Variants in SUPT3H observed in about 807,000 individuals in gnomAD.
SUPT3H encodes the protein SPT3 homolog, SAGA and STAGA complex component, also known as transcription initiation protein SPT3 homolog.
In SUPT3H, 44 loss-of-function variants were observed where a neutral mutation model predicts 44.3. That is an observed-to-expected ratio of 0.99 (90% CI 0.78 to 1.28). The LOEUF is 1.28. Among genes scored for constraint, SUPT3H ranks in the 50% most tolerant of loss-of-function variants. SUPT3H has a pLI of 0.00. For missense variants in SUPT3H, 380 were observed against 387.1 expected, an observed-to-expected ratio of 0.98 and a Z score of 0.15; for synonymous variants, 124 against 125.6, an observed-to-expected ratio of 0.99 and a Z score of 0.09.
At chr6:45,326,645 A>G (rs2150057080) in intron 2 of SUPT3H, among the ~76,000 whole-genome samples, 1 of 152,108 alleles carries the variant, frequency 6.6e-6, no homozygotes, top group South Asian at 2.1e-4. Flanking sequence ...GACTAGAATC[A>G]TTCCCATACC....
chr6:44,947,289 A>G (rs1008132911), intron 9 of SUPT3H, among the ~76,000 whole-genome samples: 70 of 152,332 alleles, frequency 4.6e-4, no homozygotes, highest in African/African-American at 1.7e-3. Context: ...GTATGCCTGC[A>G]GAAACATACA....
At chr6:44,916,155 G>C (rs1291514082) in intron 10 of SUPT3H, among the ~76,000 whole-genome samples, 4 of 152,162 alleles carry the variant, frequency 2.6e-5, no homozygotes, top group Admixed American at 2.6e-4. Context: ...AGAAGTTTAG[G>C]AATCAGTAAA....
chr6:45,226,918 T>C (rs1767052752), intron 2 of SUPT3H, among the ~76,000 whole-genome samples: 1 of 152,002 alleles, frequency 6.6e-6, no homozygotes, highest in Non-Finnish European at 1.5e-5. Context: ...GGGAATGGCT[T>C]GAGCCCTGTT....
chr6:45,030,421 T>A (rs914921639), intron 3 of SUPT3H, among the ~76,000 whole-genome samples: 1 of 152,212 alleles, frequency 6.6e-6, no homozygotes, highest in Non-Finnish European at 1.5e-5. Flanking sequence ...TAAACAGGCA[T>A]CTACTGAACG....
At chr6:44,997,350 G>A (rs1703517065) in intron 6 of SUPT3H, among the ~76,000 whole-genome samples, 2 of 151,696 alleles carry the variant, frequency 1.3e-5, no homozygotes, top group Admixed American at 6.6e-5. Flanking sequence ...TATTAAAAAT[G>A]AGTTACATAT....
intron 2 of SUPT3H, among the ~76,000 whole-genome samples, chr6:45,128,302 T>C (rs1285000): frequency 0.87 from 131,732 of 150,790 alleles, 57,799 homozygotes; most frequent in African/African-American, 0.92. Context: ...GTCAGGAGAT[T>C]GAGACCATCC....
At chr6:45,333,466 A>C (rs550452943) in intron 2 of SUPT3H, among the ~76,000 whole-genome samples, 2 of 151,594 alleles carry the variant, frequency 1.3e-5, no homozygotes, top group South Asian at 4.1e-4. Flanking sequence ...TCCCCTTTAT[A>C]CTATTTATTA....
In SUPT3H at chr6:45,015,919, T is replaced by C. The variant is rs1004943721; in HGVS notation, c.274-1028A>G. 4.6e-5 allele frequency among the ~76,000 whole-genome samples: 7 copies of C among 152,010 alleles called. 1 individual carries two copies. The highest frequency in any genetic ancestry group is 1.7e-4 in the African/African-American group (7 of 41,398). On this transcript the variant is annotated intron_variant, in intron 4 of 10. Coordinates refer to ENST00000371459, the MANE Select transcript of SUPT3H (RefSeq NM_003599.4). ...TCAAGGGCAATAGCATGCATGGAACTGTCAGCTCCCTTGATAACTGCTTTT... is the reference window on the plus strand; with the variant it reads ...TCAAGGGCAATAGCATGCATGGAACCGTCAGCTCCCTTGATAACTGCTTTT...
intron 2 of SUPT3H, among the ~76,000 whole-genome samples, chr6:45,309,908 T>A (rs7776224): frequency 4.0e-5 from 6 of 151,806 alleles, no homozygotes; most frequent in African/African-American, 1.4e-4. Context: ...AGATTGTGAA[T>A]GTTAGCTTCT....
chr6:44,870,860 C>G, intron 10 of SUPT3H, among the ~76,000 whole-genome samples: 1 of 151,720 alleles, frequency 6.6e-6, no homozygotes, highest in African/African-American at 2.4e-5. Flanking sequence ...CAGGGAGTTC[C>G]CTTTCCGAGT....
At chr6:44,906,949 G>C (rs1766196111) in intron 10 of SUPT3H, among the ~76,000 whole-genome samples, 1 of 152,186 alleles carries the variant, frequency 6.6e-6, no homozygotes, top group Admixed American at 6.5e-5. Flanking sequence ...GAATTTAAGG[G>C]TGTCTGATTA....
intron 3 of SUPT3H, among the ~76,000 whole-genome samples, chr6:45,052,762 T>C (rs1205832027): frequency 6.6e-6 from 1 of 152,180 alleles, no homozygotes; most frequent in Non-Finnish European, 1.5e-5. Context: ...AGGCTGGGAA[T>C]GCAAAGATGA....
intron 3 of SUPT3H, among the ~76,000 whole-genome samples, chr6:45,086,295 G>A (rs1023092): frequency 0.98 from 149,045 of 152,146 alleles, 73,013 homozygotes; most frequent in Middle Eastern, 1. Flanking sequence ...GTTTCACCTA[G>A]TTGTGTAAAA....
At chr6:45,030,956 A>G (rs1261376668) in intron 3 of SUPT3H, among the ~76,000 whole-genome samples, 1 of 152,140 alleles carries the variant, frequency 6.6e-6, no homozygotes, top group African/African-American at 2.4e-5. Flanking sequence ...AGAGTGTTCC[A>G]GAATCTTTAG....
At chr6:44,917,747 G>A (rs1194037704) in intron 10 of SUPT3H, among the ~76,000 whole-genome samples, 2 of 152,094 alleles carry the variant, frequency 1.3e-5, no homozygotes, top group Non-Finnish European at 2.9e-5. Flanking sequence ...TGTGAACTAC[G>A]ATACTGAGAG....
chr6:44,893,333 C>G (rs938370685), intron 10 of SUPT3H, among the ~76,000 whole-genome samples: 3 of 152,156 alleles, frequency 2.0e-5, no homozygotes, highest in African/African-American at 7.2e-5. Context: ...CCCACTAACT[C>G]GTCATCTAGC....
intron 10 of SUPT3H, among the ~76,000 whole-genome samples, chr6:44,874,773 T>A (rs1776967598): frequency 8.7e-6 from 1 of 115,370 alleles, no homozygotes; most frequent in Non-Finnish European, 1.8e-5. Context: ...GCCCAAAATC[T>A]CCTTAAGCTG....
intron 3 of SUPT3H, among the ~76,000 whole-genome samples, chr6:45,104,354 GAGA>G (rs1798991429): frequency 6.6e-6 from 1 of 152,034 alleles, no homozygotes; most frequent in Admixed American, 6.5e-5. Context: ...TAAAGAAGGG[GAGA>G]AGGCTATAGA....
At chr6:45,312,017 TA>T in intron 2 of SUPT3H, among the ~76,000 whole-genome samples, 1 of 152,298 alleles carries the variant, frequency 6.6e-6, no homozygotes, top group East Asian at 1.9e-4. Flanking sequence ...ATGCTCCACT[TA>T]TAACATACAG....
Sources: gnomAD v4.1 joint callset for allele counts (sites outside exome capture counted in the v4.1 genomes callset) on GRCh38, gnomAD v4.1.1 for gene constraint, MANE v1.5 for transcripts, NCBI Gene and HGNC (gene_info 2026-07-23, HGNC 2026-07-21) for gene names.